PSME4: variants seen among roughly 807,000 people sequenced by gnomAD.
PSME4 encodes the protein proteasome activator complex subunit 4.
A neutral mutation model predicts 253.9 loss-of-function variants in PSME4; 89 were observed. The ratio of observed to expected loss-of-function variants is 0.35; its 90% CI spans 0.30 to 0.42. PSME4 has a LOEUF of 0.42. Among genes scored for constraint, PSME4 ranks in the 10% least tolerant of loss-of-function variants. PSME4 has a pLI of 1.00. For synonymous variants in PSME4, 851 were observed against 759.2 expected, an observed-to-expected ratio of 1.12 and a Z score of -1.99; for missense variants, 2,014 against 2,195.2, an observed-to-expected ratio of 0.92 and a Z score of 1.65.
At chr2:53,885,988 G>T (rs974245965) in intron 40 of PSME4, among the ~76,000 whole-genome samples, 7 of 152,138 alleles carry the variant, frequency 4.6e-5, no homozygotes, top group African/African-American at 1.7e-4. Context: ...TGCATAAAAA[G>T]ACATTATCCA....
chr2:53,914,782 G>C (rs1380409520), intron 20 of PSME4, among the ~76,000 whole-genome samples: 2 of 152,088 alleles, frequency 1.3e-5, no homozygotes, highest in Non-Finnish European at 2.9e-5. Context: ...TCGGGAGGCT[G>C]AGACTGGAGA....
In PSME4 at chr2:53,945,733, T is replaced by C. The variant is rs150771301; in HGVS notation, c.500+2688A>G. Among the ~76,000 whole-genome samples, 34 of 152,334 alleles carry C rather than the reference T, an allele frequency of 2.2e-4. No individual in the cohort carries two copies. The East Asian group carries it at 6.6e-3, about 29-fold the overall frequency. ...AAGACAGTTAACAAATTAAGCAATC[T>C]TTCACTTTTGATTATAAAAATAGCA... On this transcript the variant is annotated intron_variant, in intron 3 of 46. Coordinates refer to ENST00000404125, the MANE Select transcript of PSME4 (RefSeq NM_014614.3).
At chr2:53,911,839 T>A (rs1445957064) in intron 20 of PSME4, among the ~76,000 whole-genome samples, 1 of 152,198 alleles carries the variant, frequency 6.6e-6, no homozygotes, top group Non-Finnish European at 1.5e-5. Flanking sequence ...TCTCCATAGT[T>A]TTTACTATAT....
At position 53,868,522 on chromosome 2, in the gene PSME4, AAT is replaced by A. The variant is rs553610670; in HGVS notation, c.5263+852_5263+853del. Reference sequence around the variant, plus strand: ...GATATATATTATAAAATATATTTATAATATATATAATATATATTATAAATATA... The same window carrying A: ...GATATATATTATAAAATATATTTATAATATATAATATATATTATAAATATA... On this transcript the variant is annotated intron_variant, in intron 44 of 46. Transcript: ENST00000404125. Among the ~76,000 whole-genome samples the A allele has an allele frequency of 1.4e-4, 8 of 56,560 alleles. 1 individual carries two copies. The East Asian group carries it at 4.9e-3, about 35-fold the overall frequency. 37.1% of individuals were successfully genotyped at this position (56,560 alleles called of 152,430 possible). A position where few individuals can be genotyped will look rare whatever the true frequency, so the allele number is the denominator to read the frequency against.
chr2:53,969,220 G>A (rs1313188881), intron 1 of PSME4, among the ~76,000 whole-genome samples: 1 of 152,092 alleles, frequency 6.6e-6, no homozygotes, highest in Admixed American at 6.6e-5. Context: ...ATTCTCCTAA[G>A]GATCCTAACA....
At position 53,899,918 on chromosome 2, in the gene PSME4, T is replaced by C. The variant is rs558592671; in HGVS notation, c.3385A>G (p.Ile1129Val). ...LLSPEKIKEG[I>V]KRQQEKNADA... is the part of the protein sequence containing the mutation. Reference sequence around the variant, plus strand: ...GCATTCTTTTCCTGTTGGCGTTTAATTCCTTCCTTAATTTTTTCTGGGCTA... The same window carrying C: ...GCATTCTTTTCCTGTTGGCGTTTAACTCCTTCCTTAATTTTTTCTGGGCTA... The change falls in exon 29 of 47, where the codon ATT (isoleucine) becomes GTT (valine). Residue 1129 changes from isoleucine to valine, a missense_variant. Ile to Val is a conservative substitution (Grantham distance 29, BLOSUM62 3). This residue lies in a region of PSME4 where 989 missense variants were observed against 1,021.1 expected (regional missense o/e 0.97). Coordinates refer to ENST00000404125, the MANE Select transcript of PSME4 (RefSeq NM_014614.3). 10 of 1,613,758 alleles carry C rather than the reference T, an allele frequency of 6.2e-6. No homozygotes were observed. The highest frequency in any genetic ancestry group is 1.7e-5 in the Admixed American group (1 of 60,012).
intron 15 of PSME4, 32 bp from the exon 16 acceptor site, chr2:53,923,150 T>G: frequency 6.4e-7 from 1 of 1,561,596 alleles, no homozygotes; most frequent in Non-Finnish European, 8.7e-7. Context: ...TAAGGCTTTT[T>G]TGAAAGGCAA....
At chr2:53,923,866 T>G (rs1451096857) in intron 14 of PSME4, among the ~76,000 whole-genome samples, 3 of 133,458 alleles carry the variant, frequency 2.2e-5, no homozygotes, top group Non-Finnish European at 4.6e-5. Flanking sequence ...GAGGTTGCAG[T>G]GAGCCGAGAT....
rs578082703 is a variant in PSME4, at chr2:53,896,133, T to C, written c.3689-397A>G. Among the ~76,000 whole-genome samples the C allele has an allele frequency of 5.3e-5, 8 of 152,248 alleles. No homozygotes were observed. The South Asian group carries it at 1.7e-3, about 32-fold the overall frequency. Reference sequence around the variant, plus strand: ...CATGCATACTTTGATATTCTCTCTCTCTCCACACATACTTATCTAAACTAT... The same window carrying C: ...CATGCATACTTTGATATTCTCTCTCCCTCCACACATACTTATCTAAACTAT... On this transcript the variant is annotated intron_variant, in intron 32 of 46. Transcript: ENST00000404125.
At chr2:53,922,028 C>A (rs112144112) in intron 17 of PSME4, among the ~76,000 whole-genome samples, 24 of 150,896 alleles carry the variant, frequency 1.6e-4, no homozygotes, top group Admixed American at 4.0e-4. Flanking sequence ...AAAAATTAGC[C>A]GGGCGTGGTG....
chr2:53,918,205 A>T (rs1465936428), intron 20 of PSME4, among the ~76,000 whole-genome samples: 1 of 152,098 alleles, frequency 6.6e-6, no homozygotes, highest in Non-Finnish European at 1.5e-5. Flanking sequence ...GCACTTACTC[A>T]TTTGAATGTG....
chr2:53,931,801 C>G (rs1279408717), intron 10 of PSME4, 34 bp downstream of exon 10: 5 of 1,605,346 alleles, frequency 3.1e-6, no homozygotes, highest in Non-Finnish European at 4.3e-6. Context: ...AAAGAAAAAC[C>G]TAGCTGTGGC....
chr2:53,959,402 G>C (rs1167552141), intron 1 of PSME4, among the ~76,000 whole-genome samples: 1 of 152,030 alleles, frequency 6.6e-6, no homozygotes, highest in African/African-American at 2.4e-5. Context: ...CTTAATCCCT[G>C]ACAGCTAGGG....
At chr2:53,897,454 C>T (rs1029671431) in intron 31 of PSME4, among the ~76,000 whole-genome samples, 15 of 152,112 alleles carry the variant, frequency 9.9e-5, no homozygotes, top group African/African-American at 3.4e-4. Context: ...CAGGCATGAG[C>T]CACCAAGCCC....
intron 10 of PSME4, 122 bp downstream of exon 10, chr2:53,931,713 C>T: frequency 9.3e-7 from 1 of 1,077,404 alleles, no homozygotes; most frequent in South Asian, 1.8e-5. Flanking sequence ...CCTGCTTCTC[C>T]TCTAGGAACA....
chr2:53,947,902 G>C (rs545635092), intron 3 of PSME4, among the ~76,000 whole-genome samples: 6 of 151,822 alleles, frequency 4.0e-5, no homozygotes, highest in Non-Finnish European at 7.4e-5. Context: ...TGTAATCCCA[G>C]CTGCTCGGGA....
At chr2:53,928,053 G>C (rs1668650319) in intron 11 of PSME4, 64 bp downstream of exon 11, 1 of 1,305,966 alleles carries the variant, frequency 7.7e-7, no homozygotes, top group East Asian at 2.4e-5. Flanking sequence ...CCAACCTTTT[G>C]TCACTGAGAA....
chr2:53,898,957 T>C (rs1680266471), intron 29 of PSME4, among the ~76,000 whole-genome samples: 1 of 152,050 alleles, frequency 6.6e-6, no homozygotes. Context: ...ATTTAGGAAT[T>C]AATGACTGAT....
At chr2:53,948,371 T>G (rs375628884) in intron 3 of PSME4, 50 bp downstream of exon 3, 1 of 1,213,386 alleles carries the variant, frequency 8.2e-7, no homozygotes. Context: ...ATCACCCCCC[T>G]AAAAAACCCC....
Sources: allele counts gnomAD v4.1 joint callset (sites outside exome capture counted in the v4.1 genomes callset), GRCh38; gene constraint gnomAD v4.1.1; regional missense constraint gnomAD v4.1.1; transcripts MANE v1.5; gene names NCBI Gene and HGNC (gene_info 2026-07-23, HGNC 2026-07-21).